The following RORA variants were observed in gnomAD, a reference collection of about 807,000 sequenced individuals.
The protein encoded by RORA is RAR related orphan receptor A.
Under a neutral mutation model 69.5 loss-of-function variants are expected in RORA, and 7 were observed. The observed-to-expected ratio is 0.10, with a 90% CI of 0.06 to 0.19. The LOEUF (loss-of-function observed/expected upper bound fraction) is 0.19, where lower values mean the gene tolerates loss of function less well. Ranked by LOEUF, RORA falls within the 10% of genes least tolerant of loss-of-function variation. The probability of loss-of-function intolerance (pLI) is 1.00; values close to 1 mark genes in which losing one functional copy is unlikely to be tolerated. For missense variants in RORA, 457 were observed against 663.0 expected, an observed-to-expected ratio of 0.69 and a Z score of 3.41; for synonymous variants, 261 against 240.8, an observed-to-expected ratio of 1.08 and a Z score of -0.78.
At chr15:60,761,452 A>T (rs2071888962) in intron 1 of RORA, among the ~76,000 whole-genome samples, 1 of 152,192 alleles carries the variant, frequency 6.6e-6, no homozygotes, top group African/African-American at 2.4e-5. Context: ...GTAAATGTGT[A>T]GAACAGCTAG....
At chr15:60,643,050 G>A (rs1414281317) in intron 2 of RORA, among the ~76,000 whole-genome samples, 4 of 152,062 alleles carry the variant, frequency 2.6e-5, no homozygotes, top group African/African-American at 4.8e-5. Context: ...CCAGCTACTC[G>A]GGAGGCTGAG....
At chr15:60,772,643 A>G (rs2072095597) in intron 1 of RORA, among the ~76,000 whole-genome samples, 1 of 152,216 alleles carries the variant, frequency 6.6e-6, no homozygotes, top group Admixed American at 6.5e-5. Context: ...ATATCTTGTT[A>G]GGAACTTGCT....
chr15:60,957,823 C>A (rs948166514), intron 1 of RORA, among the ~76,000 whole-genome samples: 2 of 152,162 alleles, frequency 1.3e-5, no homozygotes, highest in African/African-American at 4.8e-5. Flanking sequence ...GCTACATTTT[C>A]TTCTCAAATA....
At chr15:61,035,341 C>T (rs1595900588) in intron 1 of RORA, among the ~76,000 whole-genome samples, 1 of 151,980 alleles carries the variant, frequency 6.6e-6, no homozygotes, top group South Asian at 2.1e-4. Flanking sequence ...TCAAAACATA[C>T]CAGATAAAAA....
At chr15:60,713,841 G>A (rs911254169) in intron 1 of RORA, among the ~76,000 whole-genome samples, 1 of 152,202 alleles carries the variant, frequency 6.6e-6, no homozygotes, top group Non-Finnish European at 1.5e-5. Context: ...TCTAAGGAAA[G>A]CACCTGATTA....
intron 2 of RORA, among the ~76,000 whole-genome samples, chr15:60,608,764 C>G (rs980000): frequency 6.6e-6 from 1 of 151,972 alleles, no homozygotes; most frequent in Non-Finnish European, 1.5e-5. Flanking sequence ...ATTCCTGCCA[C>G]GAGAGATAAT....
Position 60,627,226 on chromosome 15 carries a change from A to G in RORA, c.196+51431T>C, listed in dbSNP as rs201501285. On this transcript the variant is annotated intron_variant, in intron 2 of 10. Coordinates refer to ENST00000335670, the MANE Select transcript of RORA (RefSeq NM_134261.3). The stretch of plus-strand genomic sequence containing the variant: ...TCAGCAGAGCAAAGAACTTGCTCTC[A>G]GTGGCTCTTACCTTCTGGCTCCTTC... 99 of 1,613,764 alleles carry G rather than the reference A, an allele frequency of 6.1e-5. 1 individual carries two copies. In the South Asian group the frequency reaches 1.1e-3, roughly 18 times the overall value.
rs547235523 is a variant in RORA, at chr15:60,703,590, C to T, written c.167-24904G>A. ...AGCTTAGATGGGGACAGTCACAAGC[C>T]GGTTTTACTACTAGAGCTAGGAGGC... On this transcript the variant is annotated intron_variant, in intron 1 of 10. Transcript: ENST00000335670. 1.6e-4 allele frequency among the ~76,000 whole-genome samples: 25 copies of T among 152,198 alleles called. No individual in the cohort carries two copies. The East Asian group carries it at 2.3e-3, about 14-fold the overall frequency.
chr15:60,590,341 A>G (rs966070287), intron 2 of RORA, among the ~76,000 whole-genome samples: 1 of 152,214 alleles, frequency 6.6e-6, no homozygotes, highest in African/African-American at 2.4e-5. Flanking sequence ...GATTCTTATT[A>G]TTCTATTAGC....
intron 1 of RORA, among the ~76,000 whole-genome samples, chr15:61,113,837 C>T (rs1054932884): frequency 1.3e-5 from 2 of 152,310 alleles, no homozygotes; most frequent in Non-Finnish European, 2.9e-5. Flanking sequence ...ATAAAATCAA[C>T]GTCCTTGTTA....
At chr15:61,027,090 A>G (rs5014755) in intron 1 of RORA, among the ~76,000 whole-genome samples, 10,401 of 152,212 alleles carry the variant, frequency 0.068, 394 homozygotes, top group East Asian at 0.15. Flanking sequence ...GTTGAATTAT[A>G]AAAGCCTGTT....
intron 2 of RORA, among the ~76,000 whole-genome samples, chr15:60,647,956 G>A (rs1214529547): frequency 1.3e-5 from 2 of 152,160 alleles, no homozygotes; most frequent in Non-Finnish European, 2.9e-5. Context: ...ACAGGCTGCC[G>A]GACCAGGTGG....
At chr15:60,524,500 A>G (rs1184127368) in intron 3 of RORA, among the ~76,000 whole-genome samples, 1 of 152,196 alleles carries the variant, frequency 6.6e-6, no homozygotes, top group Non-Finnish European at 1.5e-5. Flanking sequence ...ATTCACTGAG[A>G]AGACATTCGG....
chr15:61,010,630 A>C (rs1163854008), intron 1 of RORA, among the ~76,000 whole-genome samples: 1 of 152,200 alleles, frequency 6.6e-6, no homozygotes, highest in Non-Finnish European at 1.5e-5. Flanking sequence ...TATAGAAAAC[A>C]TGATTTTAAT....
At chr15:60,627,873 TATC>T (rs1353259037) in intron 2 of RORA, among the ~76,000 whole-genome samples, 1 of 152,212 alleles carries the variant, frequency 6.6e-6, no homozygotes, top group Non-Finnish European at 1.5e-5. Flanking sequence ...TTGTTACCCT[TATC>T]ATACTGAGTT....
chr15:60,598,614 A>G (rs1312122899), intron 2 of RORA: 1 of 152,212 alleles, frequency 6.6e-6, no homozygotes, highest in Non-Finnish European at 1.5e-5. Context: ...TAACATACAA[A>G]ATATATGTTA....
chr15:60,619,440 C>T (rs1262282204), intron 2 of RORA, among the ~76,000 whole-genome samples: 1 of 152,172 alleles, frequency 6.6e-6, no homozygotes, highest in Non-Finnish European at 1.5e-5. Flanking sequence ...CATGATGATG[C>T]CTTTTACGTC....
intron 1 of RORA, among the ~76,000 whole-genome samples, chr15:60,805,667 T>G (rs1347562919): frequency 6.6e-6 from 1 of 152,192 alleles, no homozygotes; most frequent in Non-Finnish European, 1.5e-5. Context: ...GATATAGGAT[T>G]ACATGGTAGG....
intron 1 of RORA, among the ~76,000 whole-genome samples, chr15:61,051,457 C>T (rs897978752): frequency 2.6e-5 from 4 of 152,148 alleles, no homozygotes; most frequent in South Asian, 2.1e-4. Context: ...CAGGTGTTTG[C>T]GGCATGCATA....
Sources: allele counts gnomAD v4.1 joint callset (sites outside exome capture counted in the v4.1 genomes callset), GRCh38; gene constraint gnomAD v4.1.1; transcripts MANE v1.5; gene names NCBI Gene and HGNC (gene_info 2026-07-23, HGNC 2026-07-21).